UBAP2L: variants seen among roughly 807,000 people sequenced by gnomAD.
UBAP2L encodes ubiquitin associated protein 2 like, also known as ubiquitin-associated protein 2-like.
In UBAP2L, 12 loss-of-function variants were observed where a neutral mutation model predicts 130.6. That is an observed-to-expected ratio of 0.09 (90% confidence interval 0.06 to 0.15). The LOEUF is 0.15. UBAP2L is among the 10% of genes least tolerant of loss of function. The pLI is 1.00. For synonymous variants in UBAP2L, 503 were observed against 524.7 expected (o/e 0.96, Z 0.57); for missense variants, 965 against 1,332.5 (o/e 0.72, Z 4.29).
intron 6 of UBAP2L, 67 bp downstream of exon 6, chr1:154,235,358 A>AT (rs370836882): frequency 0.051 from 26,932 of 525,756 alleles, 13 homozygotes; most frequent in East Asian, 0.06. Flanking sequence ...GGTCTGCTTT[A>AT]TTTTTTTTTT....
chr1:154,251,117 G>A lies in UBAP2L; in HGVS notation c.1290G>A (p.Met430Ile), dbSNP rs767663206. Reference sequence around the variant, plus strand: ...AGGCTTTTACCCCATCTTCAACCATGATGGAGGTGTTCCTTCAGGAGAAGT... The same window carrying A: ...AGGCTTTTACCCCATCTTCAACCATAATGGAGGTGTTCCTTCAGGAGAAGT... ...KRQAFTPSST[M>I]MEVFLQEKSP... Residue 430 changes from methionine (M) to isoleucine (I), a missense_variant, in exon 13 of 27, where the codon ATG becomes ATA. Met to Ile is a conservative substitution (Grantham distance 10). Around this residue, in one of 9 missense-constraint regions of UBAP2L, gnomAD observed 74 missense variants for 97.1 expected, o/e 0.76. Coordinates refer to ENST00000428931, the MANE Select transcript of UBAP2L (RefSeq NM_014847.4). 26 of 1,613,998 alleles carry A rather than the reference G, an allele frequency of 1.6e-5. No homozygotes were observed. Among genetic ancestry groups the A allele is most frequent in the Non-Finnish European group, 2.0e-5 (24 of 1,180,036 alleles).
rs764113220 is a variant in UBAP2L, at chr1:154,270,842, C to G, written c.*547C>G. 2.3e-6 allele frequency: 3 copies of G among 1,311,250 alleles called. No homozygotes were observed. In the East Asian group the frequency reaches 1.5e-4, roughly 64 times the overall value. The allele number at this position is 1,311,250 out of a possible 1,614,324, so 81.2% of individuals were successfully genotyped here. A position where few individuals can be genotyped will look rare whatever the true frequency, so the allele number is the denominator to read the frequency against. ...GTGTCTTGTATATATAAAAAGAAAA[C>G]CTCTACCTTCAGCCTCTGCCTATTC... On this transcript the variant is annotated 3_prime_UTR_variant, in exon 27 of 27. Transcript: ENST00000428931.
At chr1:154,221,630 C>G (rs1414458450) in intron 1 of UBAP2L, among the ~76,000 whole-genome samples, 1 of 152,192 alleles carries the variant, frequency 6.6e-6, no homozygotes, top group Non-Finnish European at 1.5e-5. Flanking sequence ...CGTGGGCTCT[C>G]GATGTGGCGC....
rs530720679 is a variant in UBAP2L, at chr1:154,260,055, A to T, written c.2578+26A>T. ...GTAGGATTGGGATGGGACTAAATAA[A>T]TAAAAAGGGAGATAGTGTTGGGATT... On this transcript the variant is annotated intron_variant, in intron 22 of 26. Transcript: ENST00000428931. 17 of 1,607,154 alleles carry T rather than the reference A, an allele frequency of 1.1e-5. No individual in the cohort carries two copies. In the African/African-American group the frequency reaches 2.0e-4, roughly 19 times the overall value.
chr1:154,251,607 G>C lies in UBAP2L; in HGVS notation c.1618G>C (p.Ala540Pro), dbSNP rs375698253. ...SDYESTPTTS[A>P]SSSQAPSSLY... ...TTATGAGTCCACCCCCACCACGAGC[G>C]CCTCTTCAAGCCAGGCTCCAAGTAG... Residue 540 changes from alanine to proline, a missense_variant, in exon 14 of 27, where the codon GCC becomes CCC. Physicochemically the swap from Ala to Pro is conservative, Grantham distance 27. This residue lies in a region of UBAP2L where 393 missense variants were observed against 408.1 expected (regional missense o/e 0.96). Coordinates refer to ENST00000428931, the MANE Select transcript of UBAP2L (RefSeq NM_014847.4). 6.2e-7 allele frequency: 1 copy of C among 1,614,072 alleles called. No individual in the cohort carries two copies.
Position 154,270,191 on chromosome 1 carries a change from C to A in UBAP2L, c.3169-9C>A, listed in dbSNP as rs1216861070. The A allele has an allele frequency of 1.1e-5, 18 of 1,592,200 alleles. No individual in the cohort carries two copies. The highest frequency in any genetic ancestry group is 1.5e-5 in the Non-Finnish European group (17 of 1,167,358). ...TTTTCCTCCTCATGATCCTCCCATT[C>A]CCCTGCAGACGGGCAGCGGGCAACG... On this transcript the variant is annotated splice_polypyrimidine_tract_variant and intron_variant, in intron 26 of 26. Transcript: ENST00000428931.
chr1:154,259,792 G>T (rs1680937013), intron 21 of UBAP2L, 156 bp from the exon 22 acceptor site: 5 of 833,832 alleles, frequency 6.0e-6, no homozygotes, highest in Non-Finnish European at 1.0e-5. Context: ...GTATGCAAGA[G>T]TAATGTGGAG....
At chr1:154,220,248 A>G (rs1665432329), upstream of UBAP2L, 2 of 1,438,764 alleles carry the variant, frequency 1.4e-6, no homozygotes, top group Non-Finnish European at 2.0e-6. Flanking sequence ...GGCGCAGGTG[A>G]GTGGGTGGAG....
At chr1:154,261,480 A>G in intron 23 of UBAP2L, 112 bp from the exon 24 acceptor site, 2 of 998,616 alleles carry the variant, frequency 2.0e-6, no homozygotes, top group East Asian at 2.4e-5. Context: ...ACTGTAGTCA[A>G]CTTGCATCAG....
chr1:154,256,964 C>T, intron 18 of UBAP2L, 99 bp from the exon 19 acceptor site: 1 of 1,380,120 alleles, frequency 7.2e-7, no homozygotes, highest in Non-Finnish European at 9.8e-7. Flanking sequence ...AGGAAGTTGA[C>T]ATCATAATAT....
At chr1:154,265,921 A>C (rs2149079485) in intron 24 of UBAP2L, among the ~76,000 whole-genome samples, 1 of 152,256 alleles carries the variant, frequency 6.6e-6, no homozygotes, top group African/African-American at 2.4e-5. Context: ...TTACATCTTA[A>C]GTTTGAAGAT....
At chr1:154,235,580 G>A (rs1248865794) in intron 6 of UBAP2L, among the ~76,000 whole-genome samples, 2 of 152,082 alleles carry the variant, frequency 1.3e-5, no homozygotes, top group African/African-American at 4.8e-5. Context: ...CGCGATCTTG[G>A]CTCACTGCAA....
rs542802423 is a variant in UBAP2L at position 154,260,113 on chromosome 1, A to T, written c.2578+84A>T. On this transcript the variant is annotated intron_variant, in intron 22 of 26. Transcript: ENST00000428931. Reference sequence around the variant, plus strand: ...GACACCTGATTGGTAGCAAGAAGGGATGTGATAAATCAGGATTGGTAGATT... The same window carrying T: ...GACACCTGATTGGTAGCAAGAAGGGTTGTGATAAATCAGGATTGGTAGATT... 18 of 1,417,982 alleles carry T rather than the reference A, an allele frequency of 1.3e-5. No individual in the cohort carries two copies. The African/African-American group carries it at 1.4e-4, about 11-fold the overall frequency. 87.8% of individuals were successfully genotyped at this position (1,417,982 alleles called of 1,614,324 possible).
intron 8 of UBAP2L, 109 bp downstream of exon 8, chr1:154,237,245 T>C: frequency 9.6e-7 from 1 of 1,039,974 alleles, no homozygotes; most frequent in Non-Finnish European, 1.4e-6. Flanking sequence ...GTTATGGAGA[T>C]AGGGTGAGAA....
intron 24 of UBAP2L, among the ~76,000 whole-genome samples, chr1:154,265,515 T>C (rs1682990795): frequency 6.6e-6 from 1 of 152,238 alleles, no homozygotes; most frequent in Admixed American, 6.5e-5. Flanking sequence ...TTTCTTCACA[T>C]CTTTGTTTCA....
chr1:154,227,548 G>GTTTTTTTTTTTTT (rs140500910), intron 3 of UBAP2L, among the ~76,000 whole-genome samples, 189 bp downstream of exon 3: 2 of 149,656 alleles, frequency 1.3e-5, no homozygotes. Flanking sequence ...CCTTTGTTTT[G>GTTTTTTTTTTTTT]TTTTTTGTTT....
intron 11 of UBAP2L, among the ~76,000 whole-genome samples, chr1:154,247,487 A>G (rs527798079): frequency 6.6e-6 from 1 of 152,350 alleles, no homozygotes; most frequent in African/African-American, 2.4e-5. Flanking sequence ...GGAAAATGTG[A>G]TTATGTGATC....
chr1:154,223,094 G>T (rs941728157), intron 1 of UBAP2L, among the ~76,000 whole-genome samples: 11 of 148,366 alleles, frequency 7.4e-5, no homozygotes, highest in Non-Finnish European at 1.2e-4. Flanking sequence ...CTTTTGACCT[G>T]TTGCTCAGTG....
At chr1:154,233,874 TC>T (rs972466533) in intron 4 of UBAP2L, among the ~76,000 whole-genome samples, 1 of 146,868 alleles carries the variant, frequency 6.8e-6, no homozygotes, top group African/African-American at 2.7e-5. Flanking sequence ...ATTAGTTTTT[TC>T]TTTTTTTTTT....
Sources: allele counts gnomAD v4.1 joint callset (sites outside exome capture counted in the v4.1 genomes callset), GRCh38; gene constraint gnomAD v4.1.1; regional missense constraint gnomAD v4.1.1; transcripts MANE v1.5; gene names NCBI Gene and HGNC (gene_info 2026-07-23, HGNC 2026-07-21).